The following CCDC7 variants were observed in gnomAD, a reference collection of about 807,000 sequenced individuals.
CCDC7 encodes the protein coiled-coil domain-containing protein 7.
CCDC7 carries 183 observed loss-of-function variants against 196.9 expected under a neutral mutation model. The observed-to-expected ratio is 0.93, with a 90% confidence interval of 0.82 to 1.05. The LOEUF is 1.05. Among genes scored for constraint, CCDC7 ranks in the 50% least tolerant of loss-of-function variants. The pLI is 0.00. For synonymous variants in CCDC7, 525 were observed against 484.6 expected (o/e 1.08, Z -1.10); for missense variants, 1,540 against 1,482.2 (o/e 1.04, Z -0.64).
exon 35 of CCDC7, chr10:32,845,579 G>A: frequency 6.2e-7 from 1 of 1,612,758 alleles, no homozygotes; most frequent in Non-Finnish European, 8.5e-7. Flanking sequence ...GCTACTGGAA[G>A]AGGTCTAATG....
chr10:32,848,654 T>C (rs1450332569), exon 39 of CCDC7: 2 of 1,537,100 alleles, frequency 1.3e-6, no homozygotes, highest in Non-Finnish European at 1.8e-6. Context: ...GTATCTTTAC[T>C]AGGAGCATTA....
Position 32,799,130 on chromosome 10 carries a change from T to C in CCDC7, c.3014-5885T>C, listed in dbSNP as rs576704984. ...GGGTCAGAAAGCACCCAGTTCATGA[T>C]AAGCAGTTCAGGTTGCATTGTGACT... On this transcript the variant is annotated intron_variant, in intron 29 of 41. Transcript: ENST00000639629. 5.9e-5 allele frequency among the ~76,000 whole-genome samples: 9 copies of C among 152,314 alleles called. No homozygotes were observed. The East Asian group carries it at 1.7e-3, about 29-fold the overall frequency.
chr10:32,519,502 A>G (rs758015325), intron 11 of CCDC7, among the ~76,000 whole-genome samples: 7 of 152,048 alleles, frequency 4.6e-5, no homozygotes, highest in Non-Finnish European at 1.0e-4. Flanking sequence ...GGATACAACA[A>G]GGTTTTCTTG....
intron 6 of CCDC7, 103 bp from the exon 8 acceptor site, chr10:32,472,378 C>T: frequency 9.6e-7 from 1 of 1,039,412 alleles, no homozygotes; most frequent in Non-Finnish European, 1.3e-6. Flanking sequence ...TTTTATTCTA[C>T]AAACTTCATA....
chr10:32,726,300 TATC>T (rs1237165836), intron 25 of CCDC7, among the ~76,000 whole-genome samples: 19 of 152,102 alleles, frequency 1.2e-4, no homozygotes, highest in African/African-American at 4.6e-4. Context: ...ATTTATATCA[TATC>T]ATAATTTATA....
chr10:32,553,974 C>T (rs555833450), intron 13 of CCDC7, among the ~76,000 whole-genome samples: 2 of 152,254 alleles, frequency 1.3e-5, no homozygotes, highest in East Asian at 3.9e-4. Flanking sequence ...TGAGGTCTGA[C>T]TCCTTGGGTG....
In CCDC7 at chr10:32,523,364, G is replaced by A. The variant is rs377323109; in HGVS notation, c.993+4859G>A. ...AGTTCAAAACCAGCCTGGACAACAC[G>A]GTGAAACCCTGTCTCTACTAAAAAA... On this transcript the variant is annotated intron_variant, in intron 11 of 41. Coordinates refer to ENST00000639629, the Ensembl canonical transcript of CCDC7. 3.3e-5 allele frequency among the ~76,000 whole-genome samples: 5 copies of A among 152,106 alleles called. No individual in the cohort carries two copies. In the East Asian group the frequency reaches 7.7e-4, roughly 24 times the overall value.
intron 18 of CCDC7, among the ~76,000 whole-genome samples, chr10:32,594,768 G>T (rs910394554): frequency 2.0e-5 from 3 of 152,146 alleles, no homozygotes; most frequent in Non-Finnish European, 4.4e-5. Flanking sequence ...AAGCGCTGTT[G>T]AATTTTGTCA....
Position 32,463,032 on chromosome 10 carries a change from GTC to G in CCDC7, c.494_495del (p.Val165GlufsTer8). On this transcript the variant is annotated frameshift_variant, in exon 5 of 42. Coordinates refer to ENST00000639629, the Ensembl canonical transcript of CCDC7. LOFTEE classifies it high-confidence loss of function. Reference sequence around the variant, plus strand: ...TTTCTTAAAGTGGTTTCAGTGGCAGGTCAATCAGATGGAAGAAGTAAGTCTAA... The same window carrying G: ...TTTCTTAAAGTGGTTTCAGTGGCAGGAATCAGATGGAAGAAGTAAGTCTAA... The G allele has an allele frequency of 2.5e-6, 4 of 1,613,496 alleles. No homozygotes were observed. Among genetic ancestry groups the G allele is most frequent in the Non-Finnish European group, 3.4e-6 (4 of 1,179,744 alleles).
intron 9 of CCDC7, among the ~76,000 whole-genome samples, chr10:32,517,029 C>A (rs1659421363): frequency 6.6e-6 from 1 of 152,068 alleles, no homozygotes; most frequent in African/African-American, 2.4e-5. Context: ...ATGGTCTATC[C>A]ATACTGTGGA....
At chr10:32,855,314 G>A (rs1027046042) in intron 41 of CCDC7, among the ~76,000 whole-genome samples, 2 of 151,892 alleles carry the variant, frequency 1.3e-5, no homozygotes, top group African/African-American at 4.8e-5. Flanking sequence ...GGTGGTGGGG[G>A]AATGATTTTA....
intron 23 of CCDC7, 38 bp downstream of exon 24, chr10:32,689,201 A>G (rs1432088093): frequency 7.5e-7 from 1 of 1,331,116 alleles, no homozygotes. Flanking sequence ...AAATTATTTA[A>G]AAGTAAGTTC....
intron 21 of CCDC7, among the ~76,000 whole-genome samples, chr10:32,670,830 A>G (rs1298600863): frequency 6.6e-6 from 1 of 151,016 alleles, no homozygotes; most frequent in Non-Finnish European, 1.5e-5. Flanking sequence ...CATGAGCTTT[A>G]TTATTTTCTT....
At chr10:32,766,748 A>G (rs1282012372) in intron 28 of CCDC7, among the ~76,000 whole-genome samples, 2 of 152,002 alleles carry the variant, frequency 1.3e-5, no homozygotes, top group Admixed American at 1.3e-4. Flanking sequence ...TAGAAGTGGT[A>G]TACATGAGAC....
intron 20 of CCDC7, among the ~76,000 whole-genome samples, chr10:32,641,266 C>T (rs1302762884): frequency 6.6e-6 from 1 of 152,188 alleles, no homozygotes; most frequent in Non-Finnish European, 1.5e-5. Flanking sequence ...TGGTTCTATT[C>T]TCCCTGTCAC....
At position 32,674,983 on chromosome 10, in the gene CCDC7, T is replaced by G. The variant is rs1044069360; in HGVS notation, c.2122+10822T>G. Among the ~76,000 whole-genome samples, 11 of 152,228 alleles carry G rather than the reference T, an allele frequency of 7.2e-5. No individual in the cohort carries two copies. The East Asian group carries it at 2.1e-3, about 29-fold the overall frequency. On this transcript the variant is annotated intron_variant, in intron 21 of 41. Coordinates refer to ENST00000639629, the Ensembl canonical transcript of CCDC7. The stretch of plus-strand genomic sequence containing the variant: ...TAAGCCCGTCACTTTTAGTTCAGTT[T>G]GTCCTTAACTCTAAAGCAAGTCTCT...
intron 20 of CCDC7, among the ~76,000 whole-genome samples, chr10:32,652,491 T>TAA (rs960932121): frequency 1.1e-4 from 16 of 152,294 alleles, no homozygotes; most frequent in African/African-American, 3.8e-4. Context: ...TTCTCTTTCT[T>TAA]ACTTTCTGTC....
At chr10:32,676,903 A>G (rs1001614699) in intron 21 of CCDC7, among the ~76,000 whole-genome samples, 20 of 152,180 alleles carry the variant, frequency 1.3e-4, no homozygotes, top group African/African-American at 4.6e-4. Context: ...TCATGCTGCT[A>G]TAAAGACACA....
chr10:32,593,166 C>G (rs1378711724), intron 18 of CCDC7, among the ~76,000 whole-genome samples: 1 of 152,230 alleles, frequency 6.6e-6, no homozygotes, highest in Non-Finnish European at 1.5e-5. Flanking sequence ...GTCCCACCAA[C>G]AGTGTAAAAG....
Sources: gnomAD v4.1 joint callset for allele counts (sites outside exome capture counted in the v4.1 genomes callset) on GRCh38, gnomAD v4.1.1 for gene constraint, MANE v1.5 for transcripts, NCBI Gene and HGNC (gene_info 2026-07-23, HGNC 2026-07-21) for gene names.